Variants in CCDC12 observed in about 807,000 individuals in gnomAD.
CCDC12 encodes the protein coiled-coil domain containing 12, also known as coiled-coil domain-containing protein 12.
CCDC12 carries 28 observed loss-of-function variants against 25.7 expected under a neutral mutation model. That is an observed-to-expected ratio of 1.09 (90% CI 0.81 to 1.50). The LOEUF is 1.50. Ranked by LOEUF, CCDC12 falls within the 40% of genes most tolerant of loss-of-function variation. CCDC12 has a pLI of 0.00. For synonymous variants in CCDC12, 75 were observed against 87.7 expected (o/e 0.86, Z 0.81); for missense variants, 198 against 210.0 (o/e 0.94, Z 0.35).
chr3:46,981,662 C>T (rs577673229), upstream of CCDC12, among the ~76,000 whole-genome samples: 5 of 152,292 alleles, frequency 3.3e-5, no homozygotes, highest in Admixed American at 1.3e-4. Flanking sequence ...CTTCCTCGGA[C>T]TGCCCCATAG....
chr3:46,963,956 A>C, intron 1 of CCDC12, among the ~76,000 whole-genome samples: 2 of 138,910 alleles, frequency 1.4e-5, no homozygotes, highest in South Asian at 2.4e-4. Context: ...CTGGCTGCCC[A>C]GTCTGGGAAG....
upstream of CCDC12, among the ~76,000 whole-genome samples, chr3:46,980,544 G>A (rs2035254704): frequency 6.7e-6 from 1 of 150,274 alleles, no homozygotes; most frequent in Non-Finnish European, 1.5e-5. Context: ...GACCTCTCTA[G>A]GAGCAGAAGA....
At chr3:46,962,883 A>G (rs1268563168) in intron 1 of CCDC12, among the ~76,000 whole-genome samples, 1 of 152,232 alleles carries the variant, frequency 6.6e-6, no homozygotes, top group Admixed American at 6.5e-5. Flanking sequence ...AGATGGGTAC[A>G]TATGTTCACC....
intron 1 of CCDC12, among the ~76,000 whole-genome samples, chr3:46,945,513 G>A (rs1284753192): frequency 6.6e-6 from 1 of 152,234 alleles, no homozygotes. Flanking sequence ...GCCCTGCTCA[G>A]GACAGAGTCT....
In CCDC12 at chr3:46,971,495, C is replaced by T. The variant is rs114370336; in HGVS notation, c.96+5142G>A. Among the ~76,000 whole-genome samples, 289 of 152,332 alleles carry T rather than the reference C, an allele frequency of 1.9e-3. 3 individuals carry two copies. The highest frequency in any genetic ancestry group is 6.3e-3 in the African/African-American group (263 of 41,568). ...GTGGCATCAGGTGGGCTGACCAGGA[C>T]GTCTTTGTAAAACTACAGCTGCATG... On this transcript the variant is annotated intron_variant, in intron 1 of 6. Transcript: ENST00000683445.
chr3:46,932,710 C>G (rs553549340), intron 2 of CCDC12, among the ~76,000 whole-genome samples: 1 of 152,308 alleles, frequency 6.6e-6, no homozygotes, highest in South Asian at 2.1e-4. Context: ...CTGGCAAATG[C>G]GTCCTCAGCG....
chr3:46,955,061 G>A (rs1470128947), intron 1 of CCDC12, among the ~76,000 whole-genome samples: 4 of 152,116 alleles, frequency 2.6e-5, no homozygotes, highest in Admixed American at 6.5e-5. Flanking sequence ...CAATGTTAAC[G>A]GCTGTCAAAG....
upstream of CCDC12, among the ~76,000 whole-genome samples, chr3:46,979,299 C>T (rs1312104151): frequency 6.6e-6 from 1 of 152,240 alleles, no homozygotes; most frequent in Non-Finnish European, 1.5e-5. Context: ...CAGAGTAGCA[C>T]CTGGCATTTG....
chr3:46,930,479 C>A (rs2033161746), intron 2 of CCDC12, among the ~76,000 whole-genome samples: 1 of 152,190 alleles, frequency 6.6e-6, no homozygotes, highest in African/African-American at 2.4e-5. Flanking sequence ...GAGGGCAGCC[C>A]AGAAAGCCCA....
At chr3:46,979,704 G>A (rs2035164752), upstream of CCDC12, 2 of 308,786 alleles carry the variant, frequency 6.5e-6, no homozygotes, top group Admixed American at 5.1e-5. Context: ...GTGGCTCTGC[G>A]CCGCGGAGGC....
chr3:46,923,723 A>T, intron 3 of CCDC12, 55 bp from the exon 4 acceptor site: 1 of 1,383,466 alleles, frequency 7.2e-7, no homozygotes, highest in African/African-American at 1.5e-5. Context: ...GCCACTCTGC[A>T]GGGACACTGC....
chr3:46,966,498 AGAGT>A (rs1319535208), intron 1 of CCDC12, among the ~76,000 whole-genome samples: 2 of 152,136 alleles, frequency 1.3e-5, no homozygotes, highest in Non-Finnish European at 1.5e-5. Flanking sequence ...CCTGGGCGAC[AGAGT>A]GAGACTCTGT....
chr3:46,960,985 T>C (rs1030481484), intron 1 of CCDC12, among the ~76,000 whole-genome samples: 3 of 145,304 alleles, frequency 2.1e-5, no homozygotes, highest in Non-Finnish European at 4.5e-5. Flanking sequence ...TGTGGAGTGT[T>C]GGAGGTGTGC....
chr3:46,977,102 A>G, upstream of CCDC12: 1 of 269,740 alleles, frequency 3.7e-6, no homozygotes, highest in Non-Finnish European at 7.2e-6. Flanking sequence ...TAACCACACT[A>G]ATCACTCCAT....
intron 2 of CCDC12, among the ~76,000 whole-genome samples, chr3:46,939,437 C>G (rs1024452190): frequency 4.5e-4 from 69 of 152,122 alleles, no homozygotes; most frequent in African/African-American, 1.6e-3. Context: ...AGCCAGAGTT[C>G]CAGTTTTTGA....
intron 1 of CCDC12, among the ~76,000 whole-genome samples, chr3:46,970,284 A>AT (rs35814822): frequency 0.15 from 21,997 of 150,242 alleles, 1,870 homozygotes; most frequent in South Asian, 0.29. Flanking sequence ...ATTTTTTGTG[A>AT]TTTTTTTTTT....
intron 1 of CCDC12, among the ~76,000 whole-genome samples, chr3:46,958,383 G>A (rs1378733196): frequency 6.6e-6 from 1 of 152,146 alleles, no homozygotes; most frequent in Admixed American, 6.6e-5. Context: ...TTAGATGAAT[G>A]CACATTTACA....
intron 1 of CCDC12, among the ~76,000 whole-genome samples, chr3:46,971,206 C>G (rs2034793221): frequency 6.6e-6 from 1 of 152,258 alleles, no homozygotes; most frequent in African/African-American, 2.4e-5. Flanking sequence ...AAGTTCCATG[C>G]TGCCTTCCCA....
chr3:46,972,544 T>C (rs2034835479), intron 1 of CCDC12, among the ~76,000 whole-genome samples: 1 of 151,996 alleles, frequency 6.6e-6, no homozygotes, highest in Non-Finnish European at 1.5e-5. Flanking sequence ...TATGAAAGGA[T>C]GTTCAACATC....
Sources: gnomAD v4.1 joint callset for allele counts (sites outside exome capture counted in the v4.1 genomes callset) on GRCh38, gnomAD v4.1.1 for gene constraint, MANE v1.5 for transcripts, NCBI Gene and HGNC (gene_info 2026-07-23, HGNC 2026-07-21) for gene names.